The following R3HDM1 variants were observed in gnomAD, a reference collection of about 807,000 sequenced individuals.
R3HDM1 encodes R3H domain containing 1.
Under a neutral mutation model 141.1 loss-of-function variants are expected in R3HDM1, and 46 were observed. The observed-to-expected ratio is 0.33, with a 90% CI of 0.26 to 0.42. R3HDM1 has a LOEUF of 0.42. R3HDM1 is among the 10% of genes least tolerant of loss of function. The pLI is 1.00. For synonymous variants in R3HDM1, 435 were observed against 472.9 expected, an observed-to-expected ratio of 0.92 and a Z score of 1.04; for missense variants, 1,184 against 1,368.3, an observed-to-expected ratio of 0.87 and a Z score of 2.12.
intron 1 of R3HDM1, among the ~76,000 whole-genome samples, chr2:135,539,782 C>A (rs1200489959): frequency 1.3e-5 from 2 of 152,114 alleles, no homozygotes; most frequent in East Asian, 3.8e-4. Context: ...ATCATCTGAG[C>A]CTTCAGCAGG....
chr2:135,627,595 T>G (rs1397761960), intron 7 of R3HDM1, among the ~76,000 whole-genome samples: 2 of 152,144 alleles, frequency 1.3e-5, no homozygotes, highest in Non-Finnish European at 2.9e-5. Flanking sequence ...TTGTATAAAT[T>G]TTATATGGAG....
At position 135,605,380 on chromosome 2, in the gene R3HDM1, C is replaced by G. The variant is rs144735547; in HGVS notation, c.171+364C>G. ...AAATAGAATACAATAAAACTGCAGA[C>G]GAACTATTGGCAAAAACAGCCCTCA... On this transcript the variant is annotated intron_variant, in intron 3 of 26. Coordinates refer to ENST00000683871, the MANE Select transcript of R3HDM1 (RefSeq NM_001378107.1). The G allele has an allele frequency of 9.2e-4, 148 of 161,212 alleles. 1 individual carries two copies. Among genetic ancestry groups the G allele is most frequent in the Non-Finnish European group, 1.7e-3 (129 of 74,114 alleles). 10.0% of individuals were successfully genotyped at this position (161,212 alleles called of 1,614,324 possible). A position where few individuals can be genotyped will look rare whatever the true frequency, so the allele number is the denominator to read the frequency against.
chr2:135,615,762 G>T (rs2060968848), intron 3 of R3HDM1, among the ~76,000 whole-genome samples: 1 of 152,076 alleles, frequency 6.6e-6, no homozygotes, highest in Admixed American at 6.5e-5. Flanking sequence ...ACCTTTAACT[G>T]CTGGTTTTTG....
In R3HDM1 at chr2:135,724,170, C is replaced by A; in HGVS notation, c.3283C>A (p.Pro1095Thr). 1.2e-6 allele frequency: 2 copies of A among 1,614,008 alleles called. No homozygotes were observed. Among genetic ancestry groups the A allele is most frequent in the Non-Finnish European group, 1.7e-6 (2 of 1,179,882 alleles). ...CACCTACACCGTCTTAGCCACATTC[C>A]CCTCCATTTCAGCTGCACAGAATGC... is the stretch of plus-strand genomic sequence containing the variant. ...ASTYTVLATF[P>T]SISAAQNALK... Residue 1095 changes from proline to threonine, a missense_variant, in exon 27 of 27, where the codon CCC becomes ACC. By Grantham distance (38) the Pro-to-Thr change is conservative (BLOSUM62 -1). Around this residue, in one of 5 missense-constraint regions of R3HDM1, gnomAD observed 182 missense variants for 252.6 expected, o/e 0.72. Transcript: ENST00000683871.
intron 1 of R3HDM1, among the ~76,000 whole-genome samples, chr2:135,570,310 G>C (rs1332131541): frequency 6.6e-6 from 1 of 152,188 alleles, no homozygotes; most frequent in African/African-American, 2.4e-5. Context: ...GGGTAGTAAA[G>C]TATCTTCCAT....
chr2:135,548,606 A>G (rs1388885479), intron 1 of R3HDM1, among the ~76,000 whole-genome samples: 2 of 150,664 alleles, frequency 1.3e-5, no homozygotes, highest in Non-Finnish European at 3.0e-5. Flanking sequence ...CCAAGAGGCA[A>G]CAACCAAAAT....
intron 1 of R3HDM1, among the ~76,000 whole-genome samples, chr2:135,541,005 T>C (rs917617679): frequency 1.3e-5 from 2 of 152,198 alleles, no homozygotes; most frequent in South Asian, 2.1e-4. Context: ...GTCTTTTTTT[T>C]CTGAGCAGTA....
rs924134206 is a variant in R3HDM1 at position 135,621,735 on chromosome 2, T to C, written c.418+127T>C. 12 of 1,313,814 alleles carry C rather than the reference T, an allele frequency of 9.1e-6. No individual in the cohort carries two copies. The African/African-American group carries it at 1.7e-4, about 18-fold the overall frequency. 81.4% of individuals were successfully genotyped at this position (1,313,814 alleles called of 1,614,324 possible). A position where few individuals can be genotyped will look rare whatever the true frequency, so the allele number is the denominator to read the frequency against. ...GACACAGAACAGACTGGAAGGATGA[T>C]ACAGTACTTAACTCATCTGGGCAAA... On this transcript the variant is annotated intron_variant, in intron 6 of 26. Transcript: ENST00000683871.
rs1638684449 is a variant in R3HDM1 at position 135,722,495 on chromosome 2, C to T, written c.2991C>T (p.Asn997=). The T allele has an allele frequency of 1.9e-6, 3 of 1,613,514 alleles. No homozygotes were observed. The African/African-American group carries it at 4.0e-5, about 22-fold the overall frequency. The change falls in exon 26 of 27, where the codon AAC becomes AAT. Residue 997 remains asparagine, a synonymous_variant. Transcript: ENST00000683871. Reference sequence around the variant, plus strand: ...GTCAGCCTGGCAGCAGGCATGGAAACCGAGGAAGGAGACAAGCTAAAAAAG... The same window carrying T: ...GTCAGCCTGGCAGCAGGCATGGAAATCGAGGAAGGAGACAAGCTAAAAAAG... ...QQGQPGSRHG[N]RGRRQAKKAA...
rs181396771 is a variant in R3HDM1, at chr2:135,633,309, A to G, written c.698+1308A>G. On this transcript the variant is annotated intron_variant, in intron 9 of 26. Transcript: ENST00000683871. ...GTGAATAGAACTGTTAATTCATTTA[A>G]CCAGTACCTCTCAACATTACTCAGA... 7.4e-4 allele frequency among the ~76,000 whole-genome samples: 112 copies of G among 152,264 alleles called. 2 individuals carry two copies. Among genetic ancestry groups the G allele is most frequent in the Non-Finnish European group, 4.4e-5 (3 of 68,020 alleles).
chr2:135,564,439 C>A (rs1001519531), intron 1 of R3HDM1, among the ~76,000 whole-genome samples: 1 of 152,236 alleles, frequency 6.6e-6, no homozygotes, highest in Non-Finnish European at 1.5e-5. Flanking sequence ...CCTGCCTCAG[C>A]CTCCCAAGTA....
At chr2:135,704,611 C>G (rs557634117) in intron 21 of R3HDM1, among the ~76,000 whole-genome samples, 1 of 152,028 alleles carries the variant, frequency 6.6e-6, no homozygotes, top group East Asian at 1.9e-4. Flanking sequence ...GCTGGGATTA[C>G]AGTCATGCAC....
intron 1 of R3HDM1, among the ~76,000 whole-genome samples, chr2:135,540,383 T>C (rs1228268223): frequency 1.3e-5 from 2 of 152,184 alleles, no homozygotes; most frequent in East Asian, 1.9e-4. Context: ...GGTCAAAAAA[T>C]AAAAATCTTT....
At chr2:135,631,806 A>AATTG in intron 8 of R3HDM1, 29 bp downstream of exon 8, 1 of 1,568,424 alleles carries the variant, frequency 6.4e-7, no homozygotes. Flanking sequence ...CAAGAAAAGA[A>AATTG]ATTGTCATCA....
chr2:135,605,602 A>G (rs1193819729), intron 3 of R3HDM1: 1 of 152,242 alleles, frequency 6.6e-6, no homozygotes, highest in Non-Finnish European at 1.5e-5. Flanking sequence ...TAGCATTTCT[A>G]GTACTATTCA....
At chr2:135,548,399 G>A (rs1421825545) in intron 1 of R3HDM1, among the ~76,000 whole-genome samples, 1 of 152,132 alleles carries the variant, frequency 6.6e-6, no homozygotes, top group African/African-American at 2.4e-5. Flanking sequence ...ATTAACTAGA[G>A]TTGAATGTTT....
intron 1 of R3HDM1, among the ~76,000 whole-genome samples, chr2:135,558,131 G>T (rs913813557): frequency 2.2e-4 from 34 of 152,318 alleles, no homozygotes; most frequent in African/African-American, 7.9e-4. Context: ...ATCATAAGCA[G>T]CTGATACGAA....
At position 135,700,172 on chromosome 2, in the gene R3HDM1, CA is replaced by C. The variant is rs1256040974; in HGVS notation, c.2460-9250del. The stretch of plus-strand genomic sequence containing the variant: ...ACATAAGAATCCAAATAAAAAGATG[CA>C]AAAAAAAAAACATGGAGTAACCTGG... On this transcript the variant is annotated intron_variant, in intron 21 of 26. Transcript: ENST00000683871. 8.8e-4 allele frequency among the ~76,000 whole-genome samples: 125 copies of C among 142,140 alleles called. 1 individual carries two copies. The highest frequency in any genetic ancestry group is 1.9e-3 in the African/African-American group (76 of 39,384). 93.2% of individuals were successfully genotyped at this position (142,140 alleles called of 152,430 possible). A position where few individuals can be genotyped will look rare whatever the true frequency, so the allele number is the denominator to read the frequency against.
Position 135,531,593 on chromosome 2 carries a change from C to G in R3HDM1, c.-290C>G. On this transcript the variant is annotated 5_prime_UTR_variant, in exon 1 of 27. Coordinates refer to ENST00000683871, the MANE Select transcript of R3HDM1 (RefSeq NM_001378107.1). ...CCACCCAGCCCCGCCGTCGCCCCGC[C>G]GCGCCGCGCTCCAACCGCCTCCTCC... The G allele has an allele frequency of 1.0e-6, 1 of 986,914 alleles. No individual in the cohort carries two copies. Among genetic ancestry groups the G allele is most frequent in the Non-Finnish European group, 1.2e-6 (1 of 830,760 alleles). 61.1% of individuals were successfully genotyped at this position (986,914 alleles called of 1,614,324 possible).
Sources: gnomAD v4.1 joint callset for allele counts (sites outside exome capture counted in the v4.1 genomes callset) on GRCh38, gnomAD v4.1.1 for gene constraint, gnomAD v4.1.1 regional missense constraint, MANE v1.5 for transcripts, NCBI Gene and HGNC (gene_info 2026-07-23, HGNC 2026-07-21) for gene names.